GPSM1: variants seen among roughly 807,000 people sequenced by gnomAD.
GPSM1 encodes the protein G protein signaling modulator 1.
In GPSM1, 48 loss-of-function variants were observed where a neutral mutation model predicts 70.5. The ratio of observed to expected loss-of-function variants is 0.68; its 90% confidence interval spans 0.54 to 0.87. The LOEUF (loss-of-function observed/expected upper bound fraction) is 0.87, where lower values mean the gene tolerates loss of function less well. Ranked by LOEUF, GPSM1 falls within the 40% of genes least tolerant of loss-of-function variation. The probability of loss-of-function intolerance (pLI) is 0.00; values close to 1 mark genes in which losing one functional copy is unlikely to be tolerated. For missense variants in GPSM1, 981 were observed against 972.6 expected (o/e 1.01, Z -0.11); for synonymous variants, 416 against 430.1 (o/e 0.97, Z 0.41).
chr9:136,339,967 G>GGCCCCCCTCATCCTTTCAGGGCC, intron 8 of GPSM1, 152 bp downstream of exon 8: 1 of 581,304 alleles, frequency 1.7e-6, no homozygotes, highest in Non-Finnish European at 3.0e-6. Flanking sequence ...GAGGCCTGGT[G>GGCCCCCCTCATCCTTTCAGGGCC]ATGACATGTC....
At position 136,337,018 on chromosome 9, in the gene GPSM1, G is replaced by A. The variant is rs956542288; in HGVS notation, c.524G>A (p.Gly175Glu). ...WNAANATQDP[G>E]HLPPDVRETL... ...GCCGCAAACGCCACGCAGGACCCCG[G>A]GCACCTGCCGCCCGATGTCCGAGAG... Residue 175 changes from glycine to glutamate, a missense_variant, in exon 4 of 14, where the codon GGG becomes GAG. Physicochemically the swap from Gly to Glu is moderately conservative, Grantham distance 98. Coordinates refer to ENST00000440944, the MANE Select transcript of GPSM1 (RefSeq NM_001145638.3). The A allele has an allele frequency of 6.4e-7, 1 of 1,552,132 alleles. No individual in the cohort carries two copies. The highest frequency in any genetic ancestry group is 8.7e-7 in the Non-Finnish European group (1 of 1,147,946).
intron 11 of GPSM1, 30 bp downstream of exon 11, chr9:136,349,793 G>A (rs1438830471): frequency 1.6e-5 from 25 of 1,527,126 alleles, no homozygotes; most frequent in South Asian, 3.7e-5. Flanking sequence ...GATCCAGGCC[G>A]AGAGGGAGGA....
At chr9:136,356,624 T>C in intron 13 of GPSM1, 74 bp downstream of exon 13, 1 of 1,109,872 alleles carries the variant, frequency 9.0e-7, no homozygotes, top group Non-Finnish European at 1.3e-6. Flanking sequence ...ACTTGTGTCC[T>C]GAGGGGTGAG....
chr9:136,337,322 A>G (rs1588693611), intron 4 of GPSM1, 119 bp from the exon 5 acceptor site: 7 of 1,442,866 alleles, frequency 4.9e-6, no homozygotes, highest in Non-Finnish European at 6.5e-6. Context: ...TACCCTAGCC[A>G]CCCTCTTTCC....
chr9:136,338,433 C>T, intron 6 of GPSM1, 122 bp from the exon 7 acceptor site: 1 of 924,322 alleles, frequency 1.1e-6, no homozygotes, highest in Non-Finnish European at 1.6e-6. Flanking sequence ...AGCTGGACCC[C>T]AGAGAGGCCC....
At chr9:136,345,995 G>A (rs1479113779) in intron 9 of GPSM1, among the ~76,000 whole-genome samples, 1 of 152,218 alleles carries the variant, frequency 6.6e-6, no homozygotes, top group African/African-American at 2.4e-5. Context: ...AGCTAACCCT[G>A]ATCCCGCTGA....
At chr9:136,336,832 C>T (rs1832248745) in intron 3 of GPSM1, 89 bp from the exon 4 acceptor site, 1 of 1,323,538 alleles carries the variant, frequency 7.6e-7, no homozygotes, top group Non-Finnish European at 1.0e-6. Context: ...CTGTCGAGGG[C>T]TGGGACAGTG....
At chr9:136,337,365 T>C in intron 4 of GPSM1, 76 bp from the exon 5 acceptor site, 1 of 1,538,516 alleles carries the variant, frequency 6.5e-7, no homozygotes, top group South Asian at 1.2e-5. Flanking sequence ...TGGAGGCCGC[T>C]ACTCAGCTCT....
Position 136,341,586 on chromosome 9 carries a change from A to C in GPSM1, c.1207+593A>C. The C allele has an allele frequency of 9.8e-7, 1 of 1,015,914 alleles. No homozygotes were observed. The highest frequency in any genetic ancestry group is 1.2e-6 in the Non-Finnish European group (1 of 848,290). The allele number at this position is 1,015,914 out of a possible 1,614,324, so 62.9% of individuals were successfully genotyped here. On this transcript the variant is annotated intron_variant, in intron 9 of 13. Coordinates refer to ENST00000440944, the MANE Select transcript of GPSM1 (RefSeq NM_001145638.3). The surrounding 1 kb of genome is among the most constrained non-coding windows in gnomAD (Gnocchi z 6.7). Reference sequence around the variant, plus strand: ...AGGGGGGTGGTGCCAGGTTGGGCCGACTTCCTGAGGTGGCTGGCAGGTGGG... The same window carrying C: ...AGGGGGGTGGTGCCAGGTTGGGCCGCCTTCCTGAGGTGGCTGGCAGGTGGG...
intron 1 of GPSM1, among the ~76,000 whole-genome samples, chr9:136,330,701 G>A (rs1311047198): frequency 6.6e-6 from 1 of 152,176 alleles, no homozygotes; most frequent in Non-Finnish European, 1.5e-5. Context: ...CGGCCTTGGG[G>A]AGGGGCAGGT....
chr9:136,350,203 T>G (rs2131409968), intron 11 of GPSM1, among the ~76,000 whole-genome samples: 1 of 152,356 alleles, frequency 6.6e-6, no homozygotes, highest in Middle Eastern at 3.4e-3. Flanking sequence ...TGAAAGGAAC[T>G]GGCTGCCTTC....
chr9:136,352,064 T>TTGCTGTTGGTGACACGGCGCCGC (rs1564355070), intron 11 of GPSM1, among the ~76,000 whole-genome samples: 1 of 43,510 alleles, frequency 2.3e-5, no homozygotes. Context: ...TACTGCGCCG[T>TTGCTGTTGGTGACACGGCGCCGC]TGCTGTTGGT....
At chr9:136,338,813 G>T in intron 7 of GPSM1, 103 bp downstream of exon 7, 1 of 1,194,448 alleles carries the variant, frequency 8.4e-7, no homozygotes, top group South Asian at 1.5e-5. Flanking sequence ...CTCTGCCACT[G>T]ACCATGCTGT....
chr9:136,356,801 G>T (rs1440947738), intron 13 of GPSM1, among the ~76,000 whole-genome samples: 1 of 152,202 alleles, frequency 6.6e-6, no homozygotes, highest in Non-Finnish European at 1.5e-5. Context: ...ACACTCCCAG[G>T]CTGTGCCACC....
rs782398365 is a variant in GPSM1 at position 136,337,572 on chromosome 9, G to A, written c.702+8G>A. Reference sequence around the variant, plus strand: ...ACGACCTTCCACAAGGAGGTGAGCCGGGCAGGGTGACAGGGTGGAGGGGCC... The same window carrying A: ...ACGACCTTCCACAAGGAGGTGAGCCAGGCAGGGTGACAGGGTGGAGGGGCC... On this transcript the variant is annotated splice_region_variant and intron_variant, in intron 5 of 13. Transcript: ENST00000440944. The A allele has an allele frequency of 8.4e-6, 13 of 1,554,620 alleles. No homozygotes were observed. The highest frequency in any genetic ancestry group is 2.4e-5 in the East Asian group (1 of 41,550).
rs138880152 is a variant in GPSM1, at chr9:136,352,911, G to A, written c.1456-2779G>A. ...ACGGAGTGCGCCTGTGTGTGAGTGC[G>A]AGCCCACGTGCGTGTGTGTGAGCCT... On this transcript the variant is annotated intron_variant, in intron 11 of 13. Transcript: ENST00000440944. The A allele has an allele frequency of 1.7e-3, 265 of 160,598 alleles. 1 individual carries two copies. Among genetic ancestry groups the A allele is most frequent in the African/African-American group, 5.5e-3 (230 of 41,502 alleles). 9.9% of individuals were successfully genotyped at this position (160,598 alleles called of 1,614,324 possible). A position where few individuals can be genotyped will look rare whatever the true frequency, so the allele number is the denominator to read the frequency against.
intron 11 of GPSM1, among the ~76,000 whole-genome samples, chr9:136,351,922 AGGGTGGGTGGG>A (rs1832672659): frequency 6.6e-6 from 1 of 151,778 alleles, no homozygotes. Flanking sequence ...GACTGCAGCG[AGGGTGGGTGGG>A]GGATACATCC....
Position 136,347,575 on chromosome 9 carries a change from T to C in GPSM1, c.1208-1122T>C, listed in dbSNP as rs544427062. Reference sequence around the variant, plus strand: ...CCGTCGTCCCCTCTGCCTAGAACGTTCTGCTGCCCTTTCCACAGTGGCTGT... The same window carrying C: ...CCGTCGTCCCCTCTGCCTAGAACGTCCTGCTGCCCTTTCCACAGTGGCTGT... On this transcript the variant is annotated intron_variant, in intron 9 of 13. Transcript: ENST00000440944. Among the ~76,000 whole-genome samples the C allele has an allele frequency of 3.3e-5, 5 of 152,276 alleles. No individual in the cohort carries two copies. The East Asian group carries it at 9.7e-4, about 29-fold the overall frequency.
At position 136,337,090 on chromosome 9, in the gene GPSM1, A is replaced by C; in HGVS notation, c.578+18A>C. ...TTCTACGAGTGAGTGGGGCAGGGCC[A>C]GCCCAGGGACCGGGGCTGGCCTGTG... On this transcript the variant is annotated intron_variant, in intron 4 of 13. Coordinates refer to ENST00000440944, the MANE Select transcript of GPSM1 (RefSeq NM_001145638.3). The C allele has an allele frequency of 6.5e-7, 1 of 1,544,594 alleles. No homozygotes were observed. The highest frequency in any genetic ancestry group is 1.2e-5 in the South Asian group (1 of 83,708).
Sources: allele counts gnomAD v4.1 joint callset (sites outside exome capture counted in the v4.1 genomes callset), GRCh38; gene constraint gnomAD v4.1.1; non-coding constraint Gnocchi (gnomAD v3.1); transcripts MANE v1.5; gene names NCBI Gene and HGNC (gene_info 2026-07-23, HGNC 2026-07-21).